ENTREP2: variants seen among roughly 807,000 people sequenced by gnomAD.
ENTREP2 encodes the protein protein ENTREP2.
At chr15:29,141,373 G>A in the ENTREP2 span, among the ~76,000 whole-genome samples, 1 of 152,224 alleles carries the variant, frequency 6.6e-6, no homozygotes, top group Admixed American at 6.5e-5. Flanking sequence ...GACCCAGACA[G>A]CAGTGCTGTG....
the ENTREP2 span, among the ~76,000 whole-genome samples, chr15:29,444,858 G>C: frequency 2.0e-5 from 3 of 152,196 alleles, no homozygotes; most frequent in Non-Finnish European, 4.4e-5. Context: ...CTGGAGGGGG[G>C]CACTGGCAGG....
the ENTREP2 span, chr15:29,233,673 G>A: frequency 2.0e-6 from 2 of 1,017,226 alleles, no homozygotes; most frequent in South Asian, 1.3e-5. Flanking sequence ...GGATGGATGG[G>A]CATAGCGCAT....
the ENTREP2 span, among the ~76,000 whole-genome samples, chr15:29,212,924 G>A: frequency 6.6e-6 from 1 of 152,158 alleles, no homozygotes; most frequent in South Asian, 2.1e-4. Flanking sequence ...ATGGTTTTAG[G>A]TCTAACATTT....
At chr15:29,231,894 CT>C in the ENTREP2 span, among the ~76,000 whole-genome samples, 104 of 134,636 alleles carry the variant, frequency 7.7e-4, no homozygotes, top group Admixed American at 9.6e-4. Flanking sequence ...TCTTTTCTTT[CT>C]TTTTTTTTTT....
chr15:29,252,572 A>G, the ENTREP2 span: 1 of 635,502 alleles, frequency 1.6e-6, no homozygotes, highest in Non-Finnish European at 2.8e-6. Context: ...TTATTATACA[A>G]CAGTTGATCA....
the ENTREP2 span, among the ~76,000 whole-genome samples, chr15:29,568,411 G>C: frequency 1.3e-5 from 2 of 152,164 alleles, no homozygotes; most frequent in East Asian, 3.9e-4. Context: ...CAGGTTATAG[G>C]TCGGGCACAG....
chr15:29,200,070 T>G, the ENTREP2 span, among the ~76,000 whole-genome samples: 2 of 152,244 alleles, frequency 1.3e-5, no homozygotes, highest in South Asian at 4.1e-4. Flanking sequence ...TCCATTGATC[T>G]ATCTTTCCAC....
At chr15:29,492,362 T>TG in the ENTREP2 span, among the ~76,000 whole-genome samples, 1 of 152,228 alleles carries the variant, frequency 6.6e-6, no homozygotes, top group African/African-American at 2.4e-5. Flanking sequence ...ATATGCATAG[T>TG]GGGAAACACC....
the ENTREP2 span, among the ~76,000 whole-genome samples, chr15:29,130,596 A>G: frequency 6.6e-6 from 1 of 152,200 alleles, no homozygotes; most frequent in Admixed American, 6.5e-5. Context: ...ACAGTGGGAC[A>G]AGGTCAGGAG....
the ENTREP2 span, among the ~76,000 whole-genome samples, chr15:29,588,029 T>C: frequency 6.6e-6 from 1 of 152,192 alleles, no homozygotes; most frequent in Non-Finnish European, 1.5e-5. Context: ...GTCATCATTT[T>C]GCAAATCACA....
At chr15:29,632,758 C>T in the ENTREP2 span, among the ~76,000 whole-genome samples, 3 of 152,204 alleles carry the variant, frequency 2.0e-5, no homozygotes, top group African/African-American at 7.2e-5. Flanking sequence ...TGCACTCCAG[C>T]CTGGGCAGGT....
the ENTREP2 span, among the ~76,000 whole-genome samples, chr15:29,430,195 G>C: frequency 6.6e-6 from 1 of 152,006 alleles, no homozygotes; most frequent in African/African-American, 2.4e-5. Flanking sequence ...TTGATAAAAG[G>C]CTCCTCCCAT....
chr15:29,422,841 T>C, the ENTREP2 span, among the ~76,000 whole-genome samples: 17 of 152,144 alleles, frequency 1.1e-4, no homozygotes, highest in Non-Finnish European at 1.3e-4. Flanking sequence ...GAACTTGTAC[T>C]CCATGGAATT....
chr15:29,546,440 G>GT, the ENTREP2 span, among the ~76,000 whole-genome samples: 1 of 151,958 alleles, frequency 6.6e-6, no homozygotes, highest in South Asian at 2.1e-4. Flanking sequence ...GGTAATAGGG[G>GT]TAAAAAAAAA....
the ENTREP2 span, among the ~76,000 whole-genome samples, chr15:29,205,653 T>C: frequency 2.6e-5 from 4 of 152,308 alleles, no homozygotes; most frequent in African/African-American, 9.6e-5. Context: ...CCTTTGCCTG[T>C]TTTCAAATTG....
the ENTREP2 span, among the ~76,000 whole-genome samples, chr15:29,253,500 T>C: frequency 6.6e-6 from 1 of 150,440 alleles, no homozygotes; most frequent in Non-Finnish European, 1.5e-5. Flanking sequence ...TGGAGTGCAG[T>C]GGCACAATCT....
At chr15:29,605,324 G>A in the ENTREP2 span, among the ~76,000 whole-genome samples, 2 of 152,076 alleles carry the variant, frequency 1.3e-5, no homozygotes, top group Non-Finnish European at 1.5e-5. Context: ...AAAGTCAATT[G>A]GCCTCCCACC....
chr15:29,304,948 A>G, the ENTREP2 span, among the ~76,000 whole-genome samples: 1 of 151,978 alleles, frequency 6.6e-6, no homozygotes, highest in Admixed American at 6.6e-5. Flanking sequence ...TCACCATCCT[A>G]TTTACAATGA....
chr15:29,416,465 T>C, the ENTREP2 span, among the ~76,000 whole-genome samples: 1 of 152,192 alleles, frequency 6.6e-6, no homozygotes, highest in Non-Finnish European at 1.5e-5. Context: ...TGAAACTGGA[T>C]CTCTTCCTTA....
Sources: allele counts gnomAD v4.1 joint callset (sites outside exome capture counted in the v4.1 genomes callset), GRCh38; gene constraint gnomAD v4.1.1; transcripts MANE v1.5; gene names NCBI Gene and HGNC (gene_info 2026-07-23, HGNC 2026-07-21).